COG5: variants seen among roughly 807,000 people sequenced by gnomAD.
The protein encoded by COG5 is conserved oligomeric Golgi complex subunit 5.
A neutral mutation model predicts 110.4 loss-of-function variants in COG5; 86 were observed. The ratio of observed to expected loss-of-function variants is 0.78; its 90% confidence interval spans 0.65 to 0.93. The LOEUF (loss-of-function observed/expected upper bound fraction) is 0.93. COG5 is among the 40% of genes least tolerant of loss of function. The probability of loss-of-function intolerance (pLI) is 0.00; values close to 1 mark genes in which losing one functional copy is unlikely to be tolerated. For synonymous variants in COG5, 360 were observed against 334.6 expected, an observed-to-expected ratio of 1.08 and a Z score of -0.83; for missense variants, 1,077 against 987.0, an observed-to-expected ratio of 1.09 and a Z score of -1.22.
intron 3 of COG5, among the ~76,000 whole-genome samples, 197 bp from the exon 4 acceptor site, chr7:107,548,529 A>G (rs1802641257): frequency 1.3e-5 from 2 of 152,304 alleles, no homozygotes; most frequent in Non-Finnish European, 2.9e-5. Flanking sequence ...TTTGCCTCAC[A>G]AAAGAAGCCT....
At chr7:107,315,545 T>A (rs1452325847) in intron 11 of COG5, among the ~76,000 whole-genome samples, 1 of 150,416 alleles carries the variant, frequency 6.6e-6, no homozygotes, top group Non-Finnish European at 1.5e-5. Flanking sequence ...GTCAAGCTCT[T>A]GGATTACCTT....
chr7:107,455,132 T>C (rs1563044959), intron 6 of COG5, among the ~76,000 whole-genome samples: 1 of 152,126 alleles, frequency 6.6e-6, no homozygotes, highest in African/African-American at 2.4e-5. Context: ...GTGGATGGCA[T>C]GAATACAAAA....
At chr7:107,390,155 T>C (rs1790513461) in intron 7 of COG5, among the ~76,000 whole-genome samples, 2 of 152,212 alleles carry the variant, frequency 1.3e-5, no homozygotes, top group African/African-American at 4.8e-5. Flanking sequence ...GCAAGATTCC[T>C]CTGCCCTTGC....
At chr7:107,284,121 T>C (rs985695693) in intron 12 of COG5, among the ~76,000 whole-genome samples, 1 of 152,072 alleles carries the variant, frequency 6.6e-6, no homozygotes, top group African/African-American at 2.4e-5. Context: ...GACAGGGTTT[T>C]GCCATGTTGG....
At chr7:107,207,447 C>T (rs955592725) in intron 21 of COG5, among the ~76,000 whole-genome samples, 2 of 151,936 alleles carry the variant, frequency 1.3e-5, no homozygotes, top group Non-Finnish European at 2.9e-5. Flanking sequence ...GATAAAAGTA[C>T]CACTAGGCTA....
chr7:107,422,400 C>T (rs199927132), intron 6 of COG5, among the ~76,000 whole-genome samples: 11 of 150,660 alleles, frequency 7.3e-5, no homozygotes, highest in African/African-American at 1.7e-4. Flanking sequence ...GGTGGCATGC[C>T]CCTGTAATCC....
intron 3 of COG5, among the ~76,000 whole-genome samples, chr7:107,550,016 C>G (rs1045824392): frequency 6.6e-6 from 1 of 151,648 alleles, no homozygotes; most frequent in African/African-American, 2.4e-5. Flanking sequence ...CTCTTTCTCT[C>G]TCTTCCCCTG....
At chr7:107,393,702 C>G (rs1403173350) in intron 7 of COG5, among the ~76,000 whole-genome samples, 2 of 152,280 alleles carry the variant, frequency 1.3e-5, no homozygotes, top group South Asian at 4.1e-4. Context: ...GAGATATGTT[C>G]TCTGGCAATT....
intron 6 of COG5, among the ~76,000 whole-genome samples, chr7:107,523,651 CTAAA>C (rs1439420180): frequency 1.3e-5 from 2 of 152,016 alleles, no homozygotes; most frequent in Non-Finnish European, 2.9e-5. Flanking sequence ...CCCGTCTCTA[CTAAA>C]TATACAAAAA....
intron 6 of COG5, among the ~76,000 whole-genome samples, chr7:107,521,576 A>G (rs1800320950): frequency 6.6e-6 from 1 of 152,260 alleles, no homozygotes; most frequent in Admixed American, 6.5e-5. Context: ...AGGCAAATCA[A>G]AACCATAATG....
At chr7:107,559,560 A>G (rs781484086) in intron 1 of COG5, among the ~76,000 whole-genome samples, 7 of 152,242 alleles carry the variant, frequency 4.6e-5, no homozygotes, top group Non-Finnish European at 7.3e-5. Flanking sequence ...TGAATTAACT[A>G]ATCTATACAT....
intron 10 of COG5, among the ~76,000 whole-genome samples, chr7:107,355,570 G>A (rs796748886): frequency 8.5e-5 from 13 of 152,304 alleles, no homozygotes; most frequent in African/African-American, 3.1e-4. Context: ...GTATAGCTAG[G>A]CAATGGAATA....
chr7:107,352,344 A>C (rs564792165), intron 10 of COG5, among the ~76,000 whole-genome samples: 3 of 150,666 alleles, frequency 2.0e-5, no homozygotes, highest in African/African-American at 7.3e-5. Context: ...AGATATACCT[A>C]ATGCTAATTG....
At chr7:107,265,695 G>A (rs749421660) in intron 14 of COG5, among the ~76,000 whole-genome samples, 1 of 152,172 alleles carries the variant, frequency 6.6e-6, no homozygotes. Flanking sequence ...CTATAAAAAT[G>A]TAAAATTATA....
intron 6 of COG5, chr7:107,450,298 A>T (rs1795256312): frequency 6.5e-6 from 1 of 153,390 alleles, no homozygotes; most frequent in Non-Finnish European, 1.5e-5. Flanking sequence ...TGGATCTACA[A>T]TGCCACTTCC....
chr7:107,483,900 T>TC (rs376046631), intron 6 of COG5, among the ~76,000 whole-genome samples: 2 of 151,330 alleles, frequency 1.3e-5, no homozygotes, highest in Non-Finnish European at 2.9e-5. Context: ...ATTTTTTTTT[T>TC]TCCTAGAACA....
At position 107,334,160 on chromosome 7, in the gene COG5, C is replaced by T. The variant is rs192267714; in HGVS notation, c.1027-9639G>A. ...CAAGCTACGGAATCAACCTAAGTAT[C>T]TACAGAGAAACGGATTAAGAAAATG... On this transcript the variant is annotated intron_variant, in intron 10 of 21. Coordinates refer to ENST00000297135, the MANE Select transcript of COG5 (RefSeq NM_006348.5). Among the ~76,000 whole-genome samples the T allele has an allele frequency of 2.0e-3, 303 of 152,172 alleles. 2 individuals are homozygous for T. The highest frequency in any genetic ancestry group is 6.9e-3 in the African/African-American group (286 of 41,520).
intron 10 of COG5, among the ~76,000 whole-genome samples, chr7:107,346,287 C>T (rs971768077): frequency 6.6e-6 from 1 of 152,058 alleles, no homozygotes; most frequent in African/African-American, 2.4e-5. Context: ...TTTAAAACTA[C>T]TGAAGGATAT....
chr7:107,473,548 T>C (rs1796772805), intron 6 of COG5, among the ~76,000 whole-genome samples: 1 of 151,988 alleles, frequency 6.6e-6, no homozygotes, highest in Non-Finnish European at 1.5e-5. Flanking sequence ...CTGTACCATT[T>C]GTCATTTTAA....
Sources: allele counts gnomAD v4.1 joint callset (sites outside exome capture counted in the v4.1 genomes callset), GRCh38; gene constraint gnomAD v4.1.1; transcripts MANE v1.5; gene names NCBI Gene and HGNC (gene_info 2026-07-23, HGNC 2026-07-21).